The following DLGAP2 variants were observed in gnomAD, a reference collection of about 807,000 sequenced individuals.
DLGAP2 encodes the protein DLG associated protein 2, also known as disks large-associated protein 2.
In DLGAP2, 26 loss-of-function variants were observed where a neutral mutation model predicts 100.3. That is an observed-to-expected ratio of 0.26 (90% CI 0.19 to 0.36). DLGAP2 has a LOEUF of 0.36. DLGAP2 is among the 10% of genes least tolerant of loss of function. DLGAP2 has a pLI of 1.00. For synonymous variants in DLGAP2, 886 were observed against 630.1 expected (o/e 1.41, Z -6.08); for missense variants, 1,858 against 1,453.2 (o/e 1.28, Z -4.53).
chr8:978,630 G>A (rs867727070), intron 2 of DLGAP2, among the ~76,000 whole-genome samples: 25 of 135,412 alleles, frequency 1.8e-4, no homozygotes, highest in South Asian at 2.4e-4. Flanking sequence ...TGGGGAGGGC[G>A]TCGGGGATGC....
At chr8:1,591,864 CT>C (rs1182169024) in intron 6 of DLGAP2, among the ~76,000 whole-genome samples, 2 of 152,184 alleles carry the variant, frequency 1.3e-5, no homozygotes, top group African/African-American at 2.4e-5. Context: ...GTCAATAATT[CT>C]GACATGAACT....
At chr8:1,380,516 C>T (rs770376133) in intron 3 of DLGAP2, among the ~76,000 whole-genome samples, 23 of 151,020 alleles carry the variant, frequency 1.5e-4, no homozygotes, top group Non-Finnish European at 2.9e-4. Context: ...TTGTGATAAG[C>T]GAGGCTTTTT....
chr8:872,214 T>G (rs1750923712), intron 1 of DLGAP2, among the ~76,000 whole-genome samples: 1 of 152,016 alleles, frequency 6.6e-6, no homozygotes, highest in Non-Finnish European at 1.5e-5. Context: ...TTAAATTATA[T>G]TTTTTTATTA....
intron 2 of DLGAP2, among the ~76,000 whole-genome samples, chr8:1,110,065 T>C: frequency 7.8e-6 from 1 of 128,452 alleles, no homozygotes; most frequent in Non-Finnish European, 1.6e-5. Context: ...CTGTGATGTG[T>C]GCACAGGTCT....
intron 1 of DLGAP2, among the ~76,000 whole-genome samples, chr8:744,342 A>C (rs1048590134): frequency 6.6e-6 from 1 of 151,814 alleles, no homozygotes; most frequent in East Asian, 1.9e-4. Context: ...TGGAATAGCC[A>C]CTCTGTGAGG....
intron 2 of DLGAP2, among the ~76,000 whole-genome samples, chr8:1,256,038 C>CTG (rs1799202073): frequency 8.2e-6 from 1 of 121,798 alleles, no homozygotes. Flanking sequence ...TGCCCGGGTG[C>CTG]TGTGTGTGTG....
intron 2 of DLGAP2, among the ~76,000 whole-genome samples, chr8:1,217,724 A>T (rs977022399): frequency 6.6e-6 from 1 of 152,114 alleles, no homozygotes; most frequent in Admixed American, 6.5e-5. Flanking sequence ...TATTCCCACC[A>T]GTAGTGGGAA....
At chr8:840,036 C>T (rs112067874) in intron 1 of DLGAP2, among the ~76,000 whole-genome samples, 32 of 85,140 alleles carry the variant, frequency 3.8e-4, no homozygotes, top group South Asian at 1.9e-3. Context: ...CGAGCGCGTC[C>T]ACACGGTGCA....
chr8:779,807 C>G (rs575839995), intron 1 of DLGAP2, among the ~76,000 whole-genome samples: 3 of 151,994 alleles, frequency 2.0e-5, no homozygotes, highest in African/African-American at 4.8e-5. Flanking sequence ...GCATAGTCTT[C>G]CAGTCTTGCC....
intron 2 of DLGAP2, among the ~76,000 whole-genome samples, chr8:1,023,875 G>GTGTGTGTGTC (rs1483375091): frequency 6.6e-6 from 1 of 150,884 alleles, no homozygotes; most frequent in Non-Finnish European, 1.5e-5. Context: ...GTGTGTGTGT[G>GTGTGTGTGTC]TGTGTGTGTG....
intron 3 of DLGAP2, among the ~76,000 whole-genome samples, chr8:1,362,577 A>G (rs1473012263): frequency 1.3e-5 from 2 of 152,252 alleles, no homozygotes; most frequent in African/African-American, 2.4e-5. Flanking sequence ...TCACGGCCAC[A>G]GTCACCATGG....
At chr8:1,121,315 G>A (rs570325601) in intron 2 of DLGAP2, among the ~76,000 whole-genome samples, 5 of 140,544 alleles carry the variant, frequency 3.6e-5, no homozygotes, top group African/African-American at 5.3e-5. Context: ...ACCCATCCTC[G>A]TCCCTTCAGA....
rs980565899 is a variant in DLGAP2 at position 1,093,251 on chromosome 8, C to T, written c.74-165600C>T. Among the ~76,000 whole-genome samples, 15 of 151,714 alleles carry T rather than the reference C, an allele frequency of 9.9e-5. No homozygotes were observed. The South Asian group carries it at 1.7e-3, about 17-fold the overall frequency. On this transcript the variant is annotated intron_variant, in intron 2 of 14. Transcript: ENST00000637795. Reference sequence around the variant, plus strand: ...CAGCCAGACAGAAACACCTTCACACCCGCAGCCAGAAACACCTTCACACCC... The same window carrying T: ...CAGCCAGACAGAAACACCTTCACACTCGCAGCCAGAAACACCTTCACACCC...
At chr8:816,352 G>A (rs1043929350) in intron 1 of DLGAP2, among the ~76,000 whole-genome samples, 1 of 151,470 alleles carries the variant, frequency 6.6e-6, no homozygotes, top group African/African-American at 2.4e-5. Context: ...TTCTACTTTG[G>A]TGTATCTCAA....
chr8:1,539,551 C>T (rs970514834), intron 4 of DLGAP2, among the ~76,000 whole-genome samples: 7 of 152,044 alleles, frequency 4.6e-5, no homozygotes, highest in African/African-American at 1.7e-4. Context: ...CTGAGCCTTG[C>T]CAGGGTCCCG....
chr8:1,039,546 T>TGGTGTGCGTGGTCAGCTC (rs1563158719), intron 2 of DLGAP2, among the ~76,000 whole-genome samples: 4 of 33,442 alleles, frequency 1.2e-4, no homozygotes, highest in Admixed American at 3.3e-4. Flanking sequence ...GTGGTCAGCT[T>TGGTGTGCGTGGTCAGCTC]GGTGTGCGTG....
chr8:821,877 C>A (rs554897812), intron 1 of DLGAP2, among the ~76,000 whole-genome samples: 1 of 152,364 alleles, frequency 6.6e-6, no homozygotes, highest in Admixed American at 6.5e-5. Context: ...GATCCACGCA[C>A]ACAGCGTGCC....
intron 2 of DLGAP2, among the ~76,000 whole-genome samples, chr8:1,205,699 ATTCGGACAGG>A (rs1425982052): frequency 1.3e-5 from 2 of 152,168 alleles, no homozygotes; most frequent in Non-Finnish European, 2.9e-5. Flanking sequence ...GAGCACTGGG[ATTCGGACAGG>A]TTCTCAGCGT....
chr8:973,494 G>A (rs567542452), intron 2 of DLGAP2, among the ~76,000 whole-genome samples: 6 of 152,018 alleles, frequency 3.9e-5, no homozygotes, highest in African/African-American at 1.2e-4. Flanking sequence ...GGCAGGAGGC[G>A]CACCCCACAT....
Sources: gnomAD v4.1 joint callset for allele counts (sites outside exome capture counted in the v4.1 genomes callset) on GRCh38, gnomAD v4.1.1 for gene constraint, MANE v1.5 for transcripts, NCBI Gene and HGNC (gene_info 2026-07-23, HGNC 2026-07-21) for gene names.